The following FOXN3 variants were observed in gnomAD, a reference collection of about 807,000 sequenced individuals.
FOXN3 encodes the protein forkhead box N3.
In FOXN3, 7 loss-of-function variants were observed where a neutral mutation model predicts 38.4. That is an observed-to-expected ratio of 0.18 (90% confidence interval 0.10 to 0.34). The LOEUF (loss-of-function observed/expected upper bound fraction) is 0.34, where lower values mean the gene tolerates loss of function less well. FOXN3 is among the 10% of genes least tolerant of loss of function. The probability of loss-of-function intolerance (pLI) is 1.00; values close to 1 mark genes in which losing one functional copy is unlikely to be tolerated. For synonymous variants in FOXN3, 230 were observed against 242.2 expected, an observed-to-expected ratio of 0.95 and a Z score of 0.47; for missense variants, 456 against 613.4, an observed-to-expected ratio of 0.74 and a Z score of 2.71.
chr14:89,528,409 T>TTTTTTTTTTTTTTTA (rs1894478238), intron 1 of FOXN3, among the ~76,000 whole-genome samples: 1 of 98,966 alleles, frequency 1.0e-5, no homozygotes, highest in African/African-American at 3.6e-5. Context: ...TTTTTTTTTT[T>TTTTTTTTTTTTTTTA]GAAAAAGAAA....
At chr14:89,232,865 T>C (rs1021834029) in intron 4 of FOXN3, among the ~76,000 whole-genome samples, 1 of 152,220 alleles carries the variant, frequency 6.6e-6, no homozygotes, top group African/African-American at 2.4e-5. Flanking sequence ...CATTTCAAAA[T>C]GGCAGGACAC....
At chr14:89,456,754 G>A (rs558264919) in intron 1 of FOXN3, among the ~76,000 whole-genome samples, 20 of 152,178 alleles carry the variant, frequency 1.3e-4, no homozygotes, top group African/African-American at 4.6e-4. Context: ...AAACGCTGTC[G>A]CAAATAAAAT....
intron 3 of FOXN3, among the ~76,000 whole-genome samples, chr14:89,305,821 A>T (rs1887353272): frequency 6.6e-6 from 1 of 152,250 alleles, no homozygotes; most frequent in Non-Finnish European, 1.5e-5. Flanking sequence ...GCATTGTCAC[A>T]GGTTTTGTAA....
intron 1 of FOXN3, among the ~76,000 whole-genome samples, chr14:89,608,863 G>A (rs1896333759): frequency 6.6e-6 from 1 of 152,242 alleles, no homozygotes; most frequent in Admixed American, 6.5e-5. Context: ...TTTAACGGGT[G>A]TGATCAAAAG....
chr14:89,383,364 G>A (rs34510205), intron 2 of FOXN3, among the ~76,000 whole-genome samples: 10,271 of 152,172 alleles, frequency 0.067, 704 homozygotes, highest in African/African-American at 0.18. Context: ...GCAAAATGAC[G>A]ACAAAAATCA....
At chr14:89,400,618 G>A (rs1156245228) in intron 2 of FOXN3, among the ~76,000 whole-genome samples, 4 of 152,024 alleles carry the variant, frequency 2.6e-5, no homozygotes, top group Non-Finnish European at 5.9e-5. Flanking sequence ...CCCCAGAGAG[G>A]TAGATCCCCT....
At chr14:89,611,498 G>T (rs1041162228) in intron 1 of FOXN3, among the ~76,000 whole-genome samples, 1 of 152,172 alleles carries the variant, frequency 6.6e-6, no homozygotes, top group Admixed American at 6.5e-5. Flanking sequence ...AAGTCAAAAG[G>T]TGAAGACAAA....
intron 1 of FOXN3, chr14:89,577,470 A>G (rs1189225183): frequency 1.3e-5 from 2 of 152,224 alleles, no homozygotes; most frequent in East Asian, 3.8e-4. Context: ...AATGGCAGGA[A>G]TCATAAAGGA....
At chr14:89,392,838 G>A (rs1282401117) in intron 2 of FOXN3, among the ~76,000 whole-genome samples, 1 of 138,684 alleles carries the variant, frequency 7.2e-6, no homozygotes, top group Admixed American at 7.7e-5. Context: ...ACAGCATCTC[G>A]CTCTGTCGCC....
In FOXN3 at chr14:89,448,057, C is replaced by G. The variant is rs1251617199; in HGVS notation, c.-14-35567G>C. Among the ~76,000 whole-genome samples, 5 of 151,946 alleles carry G rather than the reference C, an allele frequency of 3.3e-5. No homozygotes were observed. The East Asian group carries it at 9.6e-4, about 29-fold the overall frequency. ...TCGAACTCCTGACCTCGTGATCCGCCCGCCTCGGCCTCCCAAAGTGCTGGG... is the reference window on the plus strand; with the variant it reads ...TCGAACTCCTGACCTCGTGATCCGCGCGCCTCGGCCTCCCAAAGTGCTGGG... On this transcript the variant is annotated intron_variant, in intron 1 of 6. Transcript: ENST00000345097.
intron 3 of FOXN3, among the ~76,000 whole-genome samples, chr14:89,319,372 C>G (rs2139970388): frequency 6.6e-6 from 1 of 152,190 alleles, no homozygotes; most frequent in South Asian, 2.1e-4. Context: ...AAGCCCCCAC[C>G]CAGGAAAGTC....
chr14:89,464,356 A>G (rs1273200409), intron 1 of FOXN3, among the ~76,000 whole-genome samples: 3 of 152,152 alleles, frequency 2.0e-5, no homozygotes, highest in Admixed American at 6.5e-5. Flanking sequence ...ATTCATGGCC[A>G]AGAGCACTCA....
At position 89,521,317 on chromosome 14, in the gene FOXN3, A is replaced by T. The variant is rs1038687876; in HGVS notation, c.-15+97711T>A. On this transcript the variant is annotated intron_variant, in intron 1 of 6. Transcript: ENST00000345097. Reference sequence around the variant, plus strand: ...GAGCAGGCTCCATCTAAAAAAAAACAAAAGAGAGAGAGAGAATGATGAATC... The same window carrying T: ...GAGCAGGCTCCATCTAAAAAAAAACTAAAGAGAGAGAGAGAATGATGAATC... Among the ~76,000 whole-genome samples, 9 of 151,582 alleles carry T rather than the reference A, an allele frequency of 5.9e-5. No homozygotes were observed. The East Asian group carries it at 1.7e-3, about 29-fold the overall frequency.
chr14:89,506,460 T>TCAGCCCCCCACCCGGC (rs1893940128), intron 1 of FOXN3, among the ~76,000 whole-genome samples: 1 of 123,844 alleles, frequency 8.1e-6, no homozygotes, highest in African/African-American at 3.2e-5. Context: ...GTTGGGGGGG[T>TCAGCCCCCCACCCGGC]CAGCCCCCCA....
At chr14:89,609,342 A>ACAGGTGCACACC (rs1896345751) in intron 1 of FOXN3, among the ~76,000 whole-genome samples, 1 of 152,136 alleles carries the variant, frequency 6.6e-6, no homozygotes, top group Admixed American at 6.5e-5. Context: ...AGCTGGAACC[A>ACAGGTGCACACC]CAGGTGCACA....
At chr14:89,544,276 C>T (rs868744508) in intron 1 of FOXN3, among the ~76,000 whole-genome samples, 1 of 151,122 alleles carries the variant, frequency 6.6e-6, no homozygotes, top group Non-Finnish European at 1.5e-5. Flanking sequence ...CTCCTGACCT[C>T]GTGATCCGCC....
At chr14:89,525,567 G>A (rs1212692191) in intron 1 of FOXN3, among the ~76,000 whole-genome samples, 4 of 150,698 alleles carry the variant, frequency 2.7e-5, no homozygotes, top group Non-Finnish European at 5.9e-5. Flanking sequence ...AGCCCGAGCT[G>A]CTGCTCTGCC....
intron 5 of FOXN3, among the ~76,000 whole-genome samples, chr14:89,169,828 C>CA (rs1392890650): frequency 6.6e-6 from 1 of 151,480 alleles, no homozygotes; most frequent in Non-Finnish European, 1.5e-5. Flanking sequence ...ATGCTAGAAA[C>CA]AAAAAAGAAT....
intron 1 of FOXN3, among the ~76,000 whole-genome samples, chr14:89,520,968 C>T (rs1894305114): frequency 6.6e-6 from 1 of 152,074 alleles, no homozygotes; most frequent in Admixed American, 6.5e-5. Flanking sequence ...ACTAGGAAAT[C>T]TAGAACTGAA....
Sources: allele counts gnomAD v4.1 joint callset (sites outside exome capture counted in the v4.1 genomes callset), GRCh38; gene constraint gnomAD v4.1.1; transcripts MANE v1.5; gene names NCBI Gene and HGNC (gene_info 2026-07-23, HGNC 2026-07-21).